PDE11A: variants seen among roughly 807,000 people sequenced by gnomAD.
PDE11A encodes dual 3',5'-cyclic-AMP and -GMP phosphodiesterase 11A.
PDE11A carries 100 observed loss-of-function variants against 100.5 expected under a neutral mutation model. The observed-to-expected ratio is 1.00, with a 90% confidence interval of 0.85 to 1.18. The LOEUF is 1.18. PDE11A is among the 50% of genes most tolerant of loss of function. The pLI, the probability that PDE11A is intolerant of heterozygous loss-of-function variation, is 0.00. For missense variants in PDE11A, 1,141 were observed against 1,152.6 expected (o/e 0.99, Z 0.15); for synonymous variants, 381 against 420.8 (o/e 0.91, Z 1.16).
chr2:177,754,058 G>GCGAATATTTTTCCTGTTGTTTCC (rs1488940524), intron 10 of PDE11A, among the ~76,000 whole-genome samples: 233 of 152,172 alleles, frequency 1.5e-3, no homozygotes, highest in Admixed American at 3.3e-3. Flanking sequence ...TCCTGTTGCT[G>GCGAATATTTTTCCTGTTGTTTCC]GGTGACTGCG....
intron 12 of PDE11A, among the ~76,000 whole-genome samples, chr2:177,725,033 C>G (rs1038544552): frequency 6.6e-6 from 1 of 151,968 alleles, no homozygotes; most frequent in African/African-American, 2.4e-5. Flanking sequence ...TATGAGATCA[C>G]TGGAATGGAA....
intron 1 of PDE11A, among the ~76,000 whole-genome samples, chr2:178,034,950 T>A (rs190375798): frequency 1.3e-5 from 2 of 151,900 alleles, no homozygotes; most frequent in Admixed American, 6.6e-5. Context: ...CACCCTAACA[T>A]CACAATTAAA....
chr2:177,657,283 G>A (rs1527400), intron 19 of PDE11A, among the ~76,000 whole-genome samples: 117,627 of 152,084 alleles, frequency 0.77, 46,153 homozygotes, highest in East Asian at 0.89. Context: ...TTTTGAGAAT[G>A]GTAAACCAGT....
intron 9 of PDE11A, among the ~76,000 whole-genome samples, chr2:177,812,318 C>A (rs2082960998): frequency 6.6e-6 from 1 of 152,022 alleles, no homozygotes; most frequent in African/African-American, 2.4e-5. Context: ...GGATTCAAGC[C>A]TAACTAAACT....
At chr2:177,841,115 A>G (rs1242217857) in intron 5 of PDE11A, among the ~76,000 whole-genome samples, 2 of 152,180 alleles carry the variant, frequency 1.3e-5, no homozygotes, top group East Asian at 3.8e-4. Context: ...GATTTTTTGA[A>G]CTTTCCCTTG....
chr2:177,714,911 G>A (rs2105430476), intron 12 of PDE11A, among the ~76,000 whole-genome samples: 1 of 152,214 alleles, frequency 6.6e-6, no homozygotes, highest in East Asian at 1.9e-4. Context: ...GGTCTGGTCT[G>A]GATTCTCTCC....
At chr2:177,940,188 CT>C (rs1315842505) in intron 2 of PDE11A, among the ~76,000 whole-genome samples, 5 of 152,076 alleles carry the variant, frequency 3.3e-5, no homozygotes, top group Non-Finnish European at 5.9e-5. Context: ...ACTATTTTAT[CT>C]AATCTGCACA....
intron 10 of PDE11A, among the ~76,000 whole-genome samples, chr2:177,757,292 G>C (rs12151805): frequency 0.15 from 22,778 of 152,142 alleles, 1,775 homozygotes; most frequent in African/African-American, 0.17. Context: ...CAAGAAAAGG[G>C]CCTCAGCAGC....
At chr2:177,773,693 A>G (rs1050330877) in intron 9 of PDE11A, among the ~76,000 whole-genome samples, 6 of 152,246 alleles carry the variant, frequency 3.9e-5, no homozygotes, top group African/African-American at 1.2e-4. Context: ...TAGGACTCCA[A>G]GAACCAGTAG....
Position 177,727,617 on chromosome 2 carries a change from C to G in PDE11A, c.2043+41G>C, listed in dbSNP as rs768399159. 2.6e-6 allele frequency: 3 copies of G among 1,153,326 alleles called. No individual in the cohort carries two copies. In the South Asian group the frequency reaches 3.7e-5, roughly 14 times the overall value. 71.4% of individuals were successfully genotyped at this position (1,153,326 alleles called of 1,614,324 possible). A position where few individuals can be genotyped will look rare whatever the true frequency, so the allele number is the denominator to read the frequency against. ...AAAGGAGAAGGCCTGCCAGTTCCTACGAATGAGAAATGATCTTCCACCATC... is the reference window on the plus strand; with the variant it reads ...AAAGGAGAAGGCCTGCCAGTTCCTAGGAATGAGAAATGATCTTCCACCATC... On this transcript the variant is annotated intron_variant, in intron 12 of 19. Transcript: ENST00000286063.
chr2:178,022,883 G>A (rs1396773248), intron 1 of PDE11A, among the ~76,000 whole-genome samples: 1 of 152,142 alleles, frequency 6.6e-6, no homozygotes, highest in Non-Finnish European at 1.5e-5. Context: ...GACTCTTACC[G>A]CTTTGAGTAT....
chr2:177,716,618 T>C (rs1480021830), intron 12 of PDE11A, among the ~76,000 whole-genome samples: 1 of 152,078 alleles, frequency 6.6e-6, no homozygotes, highest in African/African-American at 2.4e-5. Context: ...GAGTTTGGTC[T>C]TGCTAATACT....
chr2:177,921,210 A>G (rs2085039535), intron 2 of PDE11A, among the ~76,000 whole-genome samples: 1 of 151,750 alleles, frequency 6.6e-6, no homozygotes, highest in South Asian at 2.1e-4. Context: ...TAATTTTTCC[A>G]AATTTTTGAC....
intron 12 of PDE11A, among the ~76,000 whole-genome samples, chr2:177,712,918 A>G (rs1316077717): frequency 6.6e-6 from 1 of 152,176 alleles, no homozygotes; most frequent in Non-Finnish European, 1.5e-5. Context: ...CCACACCTGT[A>G]AGACACTTCT....
intron 9 of PDE11A, among the ~76,000 whole-genome samples, chr2:177,780,511 A>G (rs2082439519): frequency 2.0e-5 from 3 of 152,234 alleles, no homozygotes. Flanking sequence ...CTTTGAAGAC[A>G]TTGACTTCTC....
At chr2:177,664,516 ACT>A (rs1388961237) in intron 18 of PDE11A, among the ~76,000 whole-genome samples, 1 of 152,112 alleles carries the variant, frequency 6.6e-6, no homozygotes, top group African/African-American at 2.4e-5. Flanking sequence ...TGGTGGGTGG[ACT>A]CATTATCTCT....
At chr2:177,788,401 A>T (rs1200105265) in intron 9 of PDE11A, among the ~76,000 whole-genome samples, 2 of 150,240 alleles carry the variant, frequency 1.3e-5, no homozygotes, top group Non-Finnish European at 3.0e-5. Context: ...GTGTAGAGGG[A>T]AATTTATAGC....
At chr2:177,633,211 A>G (rs2079982706) in intron 19 of PDE11A, among the ~76,000 whole-genome samples, 1 of 152,228 alleles carries the variant, frequency 6.6e-6, no homozygotes, top group African/African-American at 2.4e-5. Context: ...AGGTGAACAT[A>G]TCATTAAACC....
intron 19 of PDE11A, among the ~76,000 whole-genome samples, chr2:177,659,797 T>C (rs1278543979): frequency 2.6e-5 from 4 of 151,636 alleles, no homozygotes; most frequent in Non-Finnish European, 2.9e-5. Context: ...TTTTTCCCCC[T>C]CCAAAGACGT....
Sources: gnomAD v4.1 joint callset for allele counts (sites outside exome capture counted in the v4.1 genomes callset) on GRCh38, gnomAD v4.1.1 for gene constraint, MANE v1.5 for transcripts, NCBI Gene and HGNC (gene_info 2026-07-23, HGNC 2026-07-21) for gene names.